The following ENGASE variants were observed in gnomAD, a reference collection of about 807,000 sequenced individuals.
ENGASE encodes cytosolic endo-beta-N-acetylglucosaminidase.
In ENGASE, 69 loss-of-function variants were observed where a neutral mutation model predicts 78.5. That is an observed-to-expected ratio of 0.88 (90% CI 0.72 to 1.07). ENGASE has a LOEUF of 1.07. Among genes scored for constraint, ENGASE ranks in the 50% least tolerant of loss-of-function variants. The pLI, the probability that ENGASE is intolerant of heterozygous loss-of-function variation, is 0.00. For synonymous variants in ENGASE, 408 were observed against 408.9 expected, an observed-to-expected ratio of 1.00 and a Z score of 0.03; for missense variants, 943 against 988.4, an observed-to-expected ratio of 0.95 and a Z score of 0.62.
chr17:79,081,055 A>G lies in ENGASE; in HGVS notation c.854A>G (p.Glu285Gly). The G allele has an allele frequency of 1.2e-6, 2 of 1,610,394 alleles. No homozygotes were observed. The highest frequency in any genetic ancestry group is 1.7e-6 in the Non-Finnish European group (2 of 1,179,204). ...AGTGGGCAGCTCAAATGGCAAGACG[A>G]ACTCAACCAGCACAACAGGTGAGCC... is the stretch of plus-strand genomic sequence containing the variant. ...VQSGQLKWQD[E>G]LNQHNRVFFD... Residue 285 changes from glutamate to glycine, a missense_variant, in exon 6 of 14, where the codon GAA (glutamate) becomes GGA (glycine). Glu to Gly is a moderately conservative substitution (Grantham distance 98, BLOSUM62 -2). Coordinates refer to ENST00000579016, the MANE Select transcript of ENGASE (RefSeq NM_001042573.3).
rs996635616 is a variant in ENGASE at position 79,086,611 on chromosome 17, G to A, written c.*262G>A. On this transcript the variant is annotated 3_prime_UTR_variant, in exon 14 of 14. Transcript: ENST00000579016. ...CTGTTTCTGCCTTGTCCCTCCCCAC[G>A]GTACCTGGTTCCCAGGTGAAAATGA... 6 of 559,518 alleles carry A rather than the reference G, an allele frequency of 1.1e-5. No individual in the cohort carries two copies. Among genetic ancestry groups the A allele is most frequent in the South Asian group, 2.2e-5 (1 of 45,132 alleles). The allele number at this position is 559,518 out of a possible 1,614,324, so 34.7% of individuals were successfully genotyped here.
rs771268814 is a variant in ENGASE at position 79,081,895 on chromosome 17, C to T, written c.873-3C>T. ...CTCACAGCAGGTCCTTGTTGCTTCT[C>T]AGGGTCTTCTTTGATTCCTGCGACG... On this transcript the variant is annotated splice_polypyrimidine_tract_variant and splice_region_variant and intron_variant, in intron 6 of 13. Coordinates refer to ENST00000579016, the MANE Select transcript of ENGASE (RefSeq NM_001042573.3). The T allele has an allele frequency of 1.4e-5, 22 of 1,608,594 alleles. No individual in the cohort carries two copies. The highest frequency in any genetic ancestry group is 1.8e-5 in the Non-Finnish European group (21 of 1,176,672).
chr17:79,078,730 C>T (rs2073032959), intron 3 of ENGASE, among the ~76,000 whole-genome samples: 1 of 152,214 alleles, frequency 6.6e-6, no homozygotes, highest in Non-Finnish European at 1.5e-5. Context: ...TCAGAGCCAA[C>T]CATCAAGGTA....
intron 4 of ENGASE, 99 bp from the exon 5 acceptor site, chr17:79,080,108 T>G: frequency 7.6e-7 from 1 of 1,312,042 alleles, no homozygotes; most frequent in Non-Finnish European, 1.0e-6. Flanking sequence ...AGTGGTCAGG[T>G]GATACTGAAG....
rs924958129 is a variant in ENGASE, at chr17:79,084,793, G to A, written c.1591+107G>A. 1.2e-5 allele frequency: 15 copies of A among 1,272,276 alleles called. No homozygotes were observed. In the South Asian group the frequency reaches 1.8e-4, roughly 15 times the overall value. The allele number at this position is 1,272,276 out of a possible 1,614,324, so 78.8% of individuals were successfully genotyped here. ...GGGGAGGAGCTGGTGTGGACAGTGG[G>A]GGGGTACATCCTGCCTTTGCCGGAG... On this transcript the variant is annotated intron_variant, in intron 11 of 13. Transcript: ENST00000579016.
chr17:79,083,659 C>G lies in ENGASE; in HGVS notation c.1251+69C>G, dbSNP rs564963327. 1.3e-6 allele frequency: 2 copies of G among 1,573,814 alleles called. No individual in the cohort carries two copies. The highest frequency in any genetic ancestry group is 1.7e-6 in the Non-Finnish European group (2 of 1,147,888). On this transcript the variant is annotated intron_variant, in intron 9 of 13. Transcript: ENST00000579016. This position sits in a 1 kb window ranked among gnomAD's most constrained non-coding sequence, Gnocchi z 4.9. ...TGGGACAGGTGGGAGGAGCCTGGGA[C>G]TTGCCAGCAGGCACGGTGGTGGTCT...
At chr17:79,082,614 C>CCGTT in intron 7 of ENGASE, 1 of 1,281,474 alleles carries the variant, frequency 7.8e-7, no homozygotes, top group Non-Finnish European at 1.0e-6. Flanking sequence ...TCAGTCCTGC[C>CCGTT]CGTTCCCAGA....
At chr17:79,080,401 G>T in intron 5 of ENGASE, 37 bp downstream of exon 5, 1 of 1,600,514 alleles carries the variant, frequency 6.2e-7, no homozygotes. Context: ...CCCGCCCCTT[G>T]CTGTGTTGCC....
At position 79,083,757 on chromosome 17, in the gene ENGASE, T is replaced by C. The variant is rs368318715; in HGVS notation, c.1252-4T>C. ...GAGTGCCCCTGTTCTGCCCTTTTCT[T>C]CAGGAAGAGGCGGTAGGGCCCTGGT... On this transcript the variant is annotated splice_polypyrimidine_tract_variant and splice_region_variant and intron_variant, in intron 9 of 13. Transcript: ENST00000579016. This position sits in a 1 kb window ranked among gnomAD's most constrained non-coding sequence, Gnocchi z 4.9. The C allele has an allele frequency of 4.6e-4, 731 of 1,605,204 alleles. 1 individual carries two copies. The highest frequency in any genetic ancestry group is 5.9e-4 in the Non-Finnish European group (698 of 1,175,560).
Position 79,081,983 on chromosome 17 carries a change from G to A in ENGASE, c.958G>A (p.Glu320Lys). 2 of 1,614,220 alleles carry A rather than the reference G, an allele frequency of 1.2e-6. No individual in the cohort carries two copies. Among genetic ancestry groups the A allele is most frequent in the Non-Finnish European group, 8.5e-7 (1 of 1,180,020 alleles). Residue 320 changes from glutamate to lysine, a missense_variant, in exon 7 of 14, where the codon GAG becomes AAG. By Grantham distance (56) the Glu-to-Lys change is moderately conservative. Transcript: ENST00000579016. ...HLERMLGQAG[E>K]RRADVYVGVD... Reference sequence around the variant, plus strand: ...GGAGCGGATGCTGGGGCAGGCTGGGGAGCGCCGGGCTGATGTGTACGTGGG... The same window carrying A: ...GGAGCGGATGCTGGGGCAGGCTGGGAAGCGCCGGGCTGATGTGTACGTGGG...
chr17:79,080,751 GTC>G (rs1468599964), intron 5 of ENGASE, among the ~76,000 whole-genome samples, 172 bp from the exon 6 acceptor site: 1 of 152,170 alleles, frequency 6.6e-6, no homozygotes, highest in African/African-American at 2.4e-5. Flanking sequence ...AAGGACGGTC[GTC>G]TGTTTGGCTG....
chr17:79,081,901 CT>C lies in ENGASE; in HGVS notation c.878del (p.Phe293SerfsTer58). 1 of 1,610,632 alleles carries C rather than the reference CT, an allele frequency of 6.2e-7. No homozygotes were observed. The highest frequency in any genetic ancestry group is 8.5e-7 in the Non-Finnish European group (1 of 1,177,730). On this transcript the variant is annotated frameshift_variant, in exon 7 of 14. Transcript: ENST00000579016. LOFTEE classifies it high-confidence loss of function. Reference protein sequence around the residue: ...QDELNQHNRVFFDSCDGFFTN... With the variant: ...QDELNQHNRVXFDSCDGFFTN... ...GCAGGTCCTTGTTGCTTCTCAGGGT[CT>C]TCTTTGATTCCTGCGACGGCTTCTT... is the stretch of plus-strand genomic sequence containing the variant.
In ENGASE at chr17:79,080,983, G is replaced by A. The variant is rs200385570; in HGVS notation, c.782G>A (p.Arg261Gln). 128 of 1,613,234 alleles carry A rather than the reference G, an allele frequency of 7.9e-5. 2 individuals carry two copies. Among genetic ancestry groups the A allele is most frequent in the South Asian group, 4.4e-5 (4 of 91,056 alleles). ...CGGTACCTCACCACACAGCTGCACC[G>A]GCAGGTCCCAGGGGGCCTGGTGCTC... ...FLRYLTTQLH[R>Q]QVPGGLVLWY... The change falls in exon 6 of 14, where the codon CGG becomes CAG. Residue 261 changes from arginine to glutamine, a missense_variant. Physicochemically the swap from Arg to Gln is conservative, Grantham distance 43 (BLOSUM62 1). Coordinates refer to ENST00000579016, the MANE Select transcript of ENGASE (RefSeq NM_001042573.3).
In ENGASE at chr17:79,084,791, G is replaced by T. The variant is rs572294989; in HGVS notation, c.1591+105G>T. 7.1e-6 allele frequency: 9 copies of T among 1,269,300 alleles called. No homozygotes were observed. The Admixed American group carries it at 9.0e-5, about 13-fold the overall frequency. 78.6% of individuals were successfully genotyped at this position (1,269,300 alleles called of 1,614,324 possible). A position where few individuals can be genotyped will look rare whatever the true frequency, so the allele number is the denominator to read the frequency against. ...GTGGGGAGGAGCTGGTGTGGACAGT[G>T]GGGGGGTACATCCTGCCTTTGCCGG... On this transcript the variant is annotated intron_variant, in intron 11 of 13. Transcript: ENST00000579016.
At position 79,082,054 on chromosome 17, in the gene ENGASE, C is replaced by T. The variant is rs2073156903; in HGVS notation, c.1029C>T (p.Asp343=). The change falls in exon 7 of 14, where the codon GAC becomes GAT. Residue 343 remains aspartate (D), a synonymous_variant. Transcript: ENST00000579016. ...GGAACGTGGTCGGAGGCCGATTCGA[C>T]ACAGACAAGGTGGGTGGTGGCTTTC... ...ARGNVVGGRF[D]TDKSLELIRK... is the part of the protein sequence containing the mutation. The T allele has an allele frequency of 6.2e-7, 1 of 1,614,240 alleles. No individual in the cohort carries two copies. Among genetic ancestry groups the T allele is most frequent in the South Asian group, 1.1e-5 (1 of 91,092 alleles).
At chr17:79,080,823 G>C in intron 5 of ENGASE, 102 bp from the exon 6 acceptor site, 1 of 1,462,054 alleles carries the variant, frequency 6.8e-7, no homozygotes. Flanking sequence ...TCGCCTGTGG[G>C]TCTGTTTGCT....
rs1444840583 is a variant in ENGASE at position 79,080,377 on chromosome 17, C to T, written c.723+13C>T. 1.2e-6 allele frequency: 2 copies of T among 1,611,118 alleles called. No individual in the cohort carries two copies. The highest frequency in any genetic ancestry group is 8.5e-7 in the Non-Finnish European group (1 of 1,179,740). ...GAACTCGCTGAGTGTGAGTGCCCAG[C>T]CCTCACCCACCTCCCCGCCCCTTGC... On this transcript the variant is annotated intron_variant, in intron 5 of 13. Coordinates refer to ENST00000579016, the MANE Select transcript of ENGASE (RefSeq NM_001042573.3).
Position 79,085,611 on chromosome 17 carries a change from GC to G in ENGASE, c.1701-5del, listed in dbSNP as rs1568094728. ...AGCCCGGCCAGTGATCAGCCCTTTC[GC>G]CCCGTAGCTGCTACGAGGTGAGCCT... On this transcript the variant is annotated splice_polypyrimidine_tract_variant and splice_region_variant and intron_variant, in intron 12 of 13. Transcript: ENST00000579016. 9 of 1,613,010 alleles carry G rather than the reference GC, an allele frequency of 5.6e-6. No homozygotes were observed. Among genetic ancestry groups the G allele is most frequent in the Admixed American group, 1.7e-5 (1 of 59,992 alleles).
chr17:79,083,354 C>T lies in ENGASE; in HGVS notation c.1143-128C>T. On this transcript the variant is annotated intron_variant, in intron 8 of 13. Coordinates refer to ENST00000579016, the MANE Select transcript of ENGASE (RefSeq NM_001042573.3). The surrounding 1 kb of genome is among the most constrained non-coding windows in gnomAD (Gnocchi z 4.9). ...AGCGTATCTGTAGACGGGGAGGCTG[C>T]AGTCCTCCTGGAAGTCCTGTCTTGG... is the stretch of plus-strand genomic sequence containing the variant. The T allele has an allele frequency of 1.4e-6, 1 of 738,670 alleles. No homozygotes were observed. The allele number at this position is 738,670 out of a possible 1,614,324, so 45.8% of individuals were successfully genotyped here.
Sources: gnomAD v4.1 joint callset for allele counts (sites outside exome capture counted in the v4.1 genomes callset) on GRCh38, gnomAD v4.1.1 for gene constraint, Gnocchi (gnomAD v3.1) non-coding constraint, MANE v1.5 for transcripts, NCBI Gene and HGNC (gene_info 2026-07-23, HGNC 2026-07-21) for gene names.